Variants in AUTS2 observed in about 807,000 individuals in gnomAD.
AUTS2 encodes the protein autism susceptibility gene 2 protein.
AUTS2 carries 17 observed loss-of-function variants against 112.4 expected under a neutral mutation model. The ratio of observed to expected loss-of-function variants is 0.15; its 90% CI spans 0.10 to 0.23. AUTS2 has a LOEUF of 0.23. Ranked by LOEUF, AUTS2 falls within the 10% of genes least tolerant of loss-of-function variation. The probability of loss-of-function intolerance (pLI) is 1.00; values close to 1 mark genes in which losing one functional copy is unlikely to be tolerated. For synonymous variants in AUTS2, 751 were observed against 702.7 expected (o/e 1.07, Z -1.09); for missense variants, 1,510 against 1,701.6 (o/e 0.89, Z 1.98).
At chr7:70,290,341 T>C in intron 4 of AUTS2, 2 of 1,463,600 alleles carry the variant, frequency 1.4e-6, no homozygotes, top group Non-Finnish European at 1.8e-6. Flanking sequence ...TTTTGAATCA[T>C]TTGAGATTTT....
chr7:70,327,975 C>T (rs1386070055), intron 4 of AUTS2, among the ~76,000 whole-genome samples: 1 of 152,112 alleles, frequency 6.6e-6, no homozygotes, highest in Non-Finnish European at 1.5e-5. Context: ...TCCCTTATCC[C>T]CCAGTTGGAT....
intron 2 of AUTS2, among the ~76,000 whole-genome samples, chr7:70,115,164 T>C (rs1365171404): frequency 6.6e-6 from 1 of 152,154 alleles, no homozygotes; most frequent in Non-Finnish European, 1.5e-5. Context: ...TGAAGTCTGT[T>C]TTTGTGCCTT....
At chr7:70,639,998 T>C (rs1805728742) in intron 5 of AUTS2, among the ~76,000 whole-genome samples, 1 of 152,074 alleles carries the variant, frequency 6.6e-6, no homozygotes, top group Non-Finnish European at 1.5e-5. Context: ...TTGAAAACAT[T>C]ACGGTATGTC....
At chr7:70,212,849 GTAAC>G (rs1481788729) in intron 4 of AUTS2, among the ~76,000 whole-genome samples, 1 of 151,984 alleles carries the variant, frequency 6.6e-6, no homozygotes, top group Admixed American at 6.6e-5. Context: ...TGTTAATTGT[GTAAC>G]TAAATGTCTC....
chr7:70,053,887 C>A (rs1801874453), intron 2 of AUTS2, among the ~76,000 whole-genome samples: 1 of 151,930 alleles, frequency 6.6e-6, no homozygotes, highest in Admixed American at 6.6e-5. Flanking sequence ...AAATCAGAAG[C>A]CAAAAATAGC....
chr7:70,280,965 T>C (rs1014598233), intron 4 of AUTS2, among the ~76,000 whole-genome samples: 10 of 152,222 alleles, frequency 6.6e-5, no homozygotes, highest in African/African-American at 2.4e-4. Context: ...TTCATGGACC[T>C]GGCAAATAGT....
chr7:70,642,388 TCTATC>T (rs72305099), intron 5 of AUTS2, among the ~76,000 whole-genome samples: 118,771 of 151,438 alleles, frequency 0.78, 46,741 homozygotes, highest in South Asian at 0.87. Context: ...TAAGTCTTTT[TCTATC>T]CTTCGTGCAC....
At chr7:70,491,862 G>A (rs1372933880) in intron 5 of AUTS2, among the ~76,000 whole-genome samples, 12 of 151,980 alleles carry the variant, frequency 7.9e-5, no homozygotes, top group East Asian at 3.9e-4. Flanking sequence ...TAATCCGCCC[G>A]CCTCGGCCTC....
chr7:70,744,457 T>C (rs1424129981), intron 6 of AUTS2, among the ~76,000 whole-genome samples: 2 of 152,198 alleles, frequency 1.3e-5, no homozygotes, highest in African/African-American at 4.8e-5. Flanking sequence ...GGTTTCAGAA[T>C]GTCCTTCAGT....
chr7:70,146,761 C>T (rs1807145855), intron 4 of AUTS2, among the ~76,000 whole-genome samples: 2 of 152,202 alleles, frequency 1.3e-5, no homozygotes, highest in Admixed American at 6.5e-5. Context: ...GAAAGCCTTC[C>T]ACTTCCTAGG....
At chr7:70,482,130 G>A (rs1173424546) in intron 5 of AUTS2, among the ~76,000 whole-genome samples, 3 of 152,136 alleles carry the variant, frequency 2.0e-5, no homozygotes, top group Non-Finnish European at 2.9e-5. Flanking sequence ...ATAAATGATC[G>A]TAATGAAATT....
At chr7:69,843,328 G>A (rs1297161359) in intron 1 of AUTS2, among the ~76,000 whole-genome samples, 1 of 152,122 alleles carries the variant, frequency 6.6e-6, no homozygotes, top group Non-Finnish European at 1.5e-5. Flanking sequence ...GGGCATTCAT[G>A]TTGGAATGGA....
chr7:70,285,760 A>G (rs1788430079), intron 4 of AUTS2, among the ~76,000 whole-genome samples: 1 of 152,154 alleles, frequency 6.6e-6, no homozygotes, highest in Non-Finnish European at 1.5e-5. Context: ...CTCCATTAGC[A>G]CATGTATTCA....
intron 4 of AUTS2, among the ~76,000 whole-genome samples, chr7:70,253,463 C>T (rs1584936129): frequency 6.6e-6 from 1 of 152,216 alleles, no homozygotes; most frequent in East Asian, 1.9e-4. Flanking sequence ...TTTCACTCAT[C>T]CTTTTGCCTT....
intron 12 of AUTS2, chr7:70,775,151 T>G: frequency 1.7e-6 from 1 of 589,244 alleles, no homozygotes; most frequent in South Asian, 2.1e-5. Context: ...TCAGCGTAGA[T>G]GTACCAAGGC....
chr7:69,626,651 C>T (rs1430515538), intron 1 of AUTS2, among the ~76,000 whole-genome samples: 1 of 152,166 alleles, frequency 6.6e-6, no homozygotes, highest in Non-Finnish European at 1.5e-5. Context: ...ATCAAGTGAA[C>T]AAGCTGAAAG....
chr7:70,512,955 C>T (rs1013790980), intron 5 of AUTS2, among the ~76,000 whole-genome samples: 2 of 152,116 alleles, frequency 1.3e-5, no homozygotes, highest in Non-Finnish European at 2.9e-5. Context: ...CCAGCAGTTC[C>T]AGCCCCATTC....
chr7:70,167,723 CAACAG>C (rs1313543723), intron 4 of AUTS2, among the ~76,000 whole-genome samples: 1 of 152,198 alleles, frequency 6.6e-6, no homozygotes, highest in African/African-American at 2.4e-5. Context: ...TCACTGACCA[CAACAG>C]ACTTAAACTA....
chr7:70,084,087 A>T (rs1466226706), intron 2 of AUTS2, among the ~76,000 whole-genome samples: 3 of 152,172 alleles, frequency 2.0e-5, no homozygotes, highest in Non-Finnish European at 4.4e-5. Flanking sequence ...CAAAAAAAAC[A>T]AAAAACAAAA....
Sources: gnomAD v4.1 joint callset for allele counts (sites outside exome capture counted in the v4.1 genomes callset) on GRCh38, gnomAD v4.1.1 for gene constraint, MANE v1.5 for transcripts, NCBI Gene and HGNC (gene_info 2026-07-23, HGNC 2026-07-21) for gene names.